The following SAMD5 variants were observed in gnomAD, a reference collection of about 807,000 sequenced individuals.
SAMD5 encodes the protein sterile alpha motif domain containing 5.
SAMD5 carries 13 observed loss-of-function variants against 11.3 expected under a neutral mutation model. The observed-to-expected ratio is 1.15, with a 90% confidence interval of 0.75 to 1.83. The LOEUF is 1.83. Ranked by LOEUF, SAMD5 falls within the 40% of genes most tolerant of loss-of-function variation. The pLI is 0.00. For missense variants in SAMD5, 255 were observed against 239.1 expected (o/e 1.07, Z -0.44); for synonymous variants, 129 against 111.3 (o/e 1.16, Z -1.00).
the SAMD5 span, among the ~76,000 whole-genome samples, chr6:147,953,029 C>A: frequency 6.6e-6 from 1 of 151,794 alleles, no homozygotes; most frequent in African/African-American, 2.4e-5. Flanking sequence ...ATATAGTATT[C>A]TTTTTTAATG....
the SAMD5 span, among the ~76,000 whole-genome samples, chr6:147,940,694 G>T: frequency 3.7e-4 from 56 of 152,178 alleles, 2 homozygotes. Flanking sequence ...CAGGCACAGC[G>T]GCTCACACCT....
chr6:147,589,213 C>T (rs186577395), intron 1 of SAMD5, among the ~76,000 whole-genome samples: 1 of 152,250 alleles, frequency 6.6e-6, no homozygotes, highest in East Asian at 1.9e-4. Flanking sequence ...CCTGCCTTGG[C>T]CTCCCAAAGT....
At chr6:147,513,466 G>A (rs1274652415) in intron 1 of SAMD5, among the ~76,000 whole-genome samples, 1 of 152,196 alleles carries the variant, frequency 6.6e-6, no homozygotes, top group African/African-American at 2.4e-5. Flanking sequence ...CAGGAGAACA[G>A]CGAGTTTGGG....
Position 147,566,413 on chromosome 6 carries a change from T to A in SAMD5, c.*1957T>A, listed in dbSNP as rs1369396568. On this transcript the variant is annotated 3_prime_UTR_variant, in exon 2 of 2. Coordinates refer to ENST00000367474, the MANE Select transcript of SAMD5 (RefSeq NM_001030060.3). Reference sequence around the variant, plus strand: ...ATAACAAATGGCTTCCTGTTTGACCTCATTTCCAGGTGTCGCATCCGTGGC... The same window carrying A: ...ATAACAAATGGCTTCCTGTTTGACCACATTTCCAGGTGTCGCATCCGTGGC... 4.1e-6 allele frequency: 4 copies of A among 985,094 alleles called. No homozygotes were observed. The highest frequency in any genetic ancestry group is 1.2e-4 in the Admixed American group (2 of 16,266). 61.0% of individuals were successfully genotyped at this position (985,094 alleles called of 1,614,324 possible).
the SAMD5 span, among the ~76,000 whole-genome samples, chr6:147,940,755 G>T: frequency 6.6e-6 from 1 of 152,104 alleles, no homozygotes; most frequent in African/African-American, 2.4e-5. Context: ...TTGAGGTCAG[G>T]AGTTAAGACC....
At chr6:147,792,469 G>A in the SAMD5 span, among the ~76,000 whole-genome samples, 8 of 152,102 alleles carry the variant, frequency 5.3e-5, no homozygotes, top group Non-Finnish European at 8.8e-5. Flanking sequence ...TAATATAGAC[G>A]CATATGGATG....
the SAMD5 span, among the ~76,000 whole-genome samples, chr6:147,753,927 A>G: frequency 1.1e-3 from 162 of 152,270 alleles, no homozygotes; most frequent in Non-Finnish European, 1.6e-3. Flanking sequence ...GTGTATATGT[A>G]CCACATTTCC....
chr6:147,775,214 A>T, the SAMD5 span, among the ~76,000 whole-genome samples: 1 of 133,316 alleles, frequency 7.5e-6, no homozygotes, highest in African/African-American at 2.8e-5. Flanking sequence ...CTGGAGTCAG[A>T]TGATGTGGGT....
chr6:147,900,882 T>G, the SAMD5 span, among the ~76,000 whole-genome samples: 1 of 152,224 alleles, frequency 6.6e-6, no homozygotes, highest in Non-Finnish European at 1.5e-5. Context: ...TATCTCGTTT[T>G]TTCTATTATA....
intron 1 of SAMD5, among the ~76,000 whole-genome samples, chr6:147,631,397 G>T (rs1455470488): frequency 2.0e-5 from 3 of 152,168 alleles, no homozygotes; most frequent in Non-Finnish European, 4.4e-5. Context: ...CCTTGACAGA[G>T]TCCTCCTTTT....
At chr6:147,827,910 C>T in the SAMD5 span, among the ~76,000 whole-genome samples, 1 of 152,122 alleles carries the variant, frequency 6.6e-6, no homozygotes, top group African/African-American at 2.4e-5. Context: ...CTGCCTCAGC[C>T]TCCCGAGTAG....
chr6:147,677,708 G>A (rs1790883896), intron 1 of SAMD5, among the ~76,000 whole-genome samples: 1 of 152,082 alleles, frequency 6.6e-6, no homozygotes, highest in Admixed American at 6.6e-5. Context: ...GGGGGCTTGG[G>A]AGCAAGGCCA....
the SAMD5 span, among the ~76,000 whole-genome samples, chr6:147,878,222 G>A: frequency 3.9e-5 from 6 of 152,126 alleles, no homozygotes; most frequent in African/African-American, 1.4e-4. Flanking sequence ...GGCAGGTTCA[G>A]TACCTGGTGA....
rs1468452674 is a variant in SAMD5, at chr6:147,659,251, CA to C, written c.163-78065del. ...AAAATTGGGAAACAGGGCATGTTCT[CA>C]GTACATTTAAAAAAAAATAACTTTA... On this transcript the variant is annotated intron_variant, in intron 1 of 1. Transcript: ENST00000566741. Among the ~76,000 whole-genome samples, 4 of 125,788 alleles carry C rather than the reference CA, an allele frequency of 3.2e-5. No homozygotes were observed. In the South Asian group the frequency reaches 1.1e-3, roughly 35 times the overall value. 82.5% of individuals were successfully genotyped at this position (125,788 alleles called of 152,430 possible).
chr6:147,783,854 T>C, the SAMD5 span, among the ~76,000 whole-genome samples: 1 of 152,212 alleles, frequency 6.6e-6, no homozygotes, highest in Non-Finnish European at 1.5e-5. Context: ...TCTATCGAGC[T>C]ACTGAATCAA....
the SAMD5 span, among the ~76,000 whole-genome samples, chr6:147,750,384 A>G: frequency 3.2e-3 from 485 of 152,300 alleles, 2 homozygotes; most frequent in African/African-American, 0.011. Flanking sequence ...TATGTTATCA[A>G]TTTATCCTAG....
At chr6:147,655,462 T>A (rs1025376623) in intron 1 of SAMD5, among the ~76,000 whole-genome samples, 51 of 152,318 alleles carry the variant, frequency 3.3e-4, no homozygotes, top group Middle Eastern at 3.4e-3. Context: ...TAGTTTTTTT[T>A]ATAATACCTT....
chr6:147,895,274 T>TC, the SAMD5 span, among the ~76,000 whole-genome samples: 10 of 150,056 alleles, frequency 6.7e-5, no homozygotes, highest in South Asian at 2.1e-4. Flanking sequence ...GATTTTTTTT[T>TC]CCCCTGGAAA....
intron 1 of SAMD5, among the ~76,000 whole-genome samples, chr6:147,634,300 C>T (rs1264008452): frequency 2.6e-5 from 4 of 152,154 alleles, no homozygotes; most frequent in Non-Finnish European, 4.4e-5. Flanking sequence ...AAGGAAGCCC[C>T]TCTTAGATGG....
Sources: allele counts gnomAD v4.1 joint callset (sites outside exome capture counted in the v4.1 genomes callset), GRCh38; gene constraint gnomAD v4.1.1; transcripts MANE v1.5; gene names NCBI Gene and HGNC (gene_info 2026-07-23, HGNC 2026-07-21).